The following FAM162A variants were observed in gnomAD, a reference collection of about 807,000 sequenced individuals.
The protein encoded by FAM162A is family with sequence similarity 162 member A, also known as protein FAM162A.
A neutral mutation model predicts 21.8 loss-of-function variants in FAM162A; 23 were observed. The ratio of observed to expected loss-of-function variants is 1.05; its 90% confidence interval spans 0.76 to 1.49. The LOEUF (loss-of-function observed/expected upper bound fraction) is 1.49. Ranked by LOEUF, FAM162A falls within the 40% of genes most tolerant of loss-of-function variation. The probability of loss-of-function intolerance (pLI) is 0.00; values close to 1 mark genes in which losing one functional copy is unlikely to be tolerated. For missense variants in FAM162A, 165 were observed against 186.4 expected (o/e 0.89, Z 0.67); for synonymous variants, 53 against 61.3 (o/e 0.86, Z 0.64).
chr3:122,392,908 AAAAT>A (rs1228548578), intron 1 of FAM162A, among the ~76,000 whole-genome samples: 1 of 152,242 alleles, frequency 6.6e-6, no homozygotes, highest in Non-Finnish European at 1.5e-5. Flanking sequence ...TTTCAAAAAA[AAAAT>A]AAACTTAACA....
At chr3:122,390,618 T>G (rs1321971358) in intron 1 of FAM162A, among the ~76,000 whole-genome samples, 1 of 152,208 alleles carries the variant, frequency 6.6e-6, no homozygotes, top group Non-Finnish European at 1.5e-5. Context: ...CTGACCACTA[T>G]AGCCTCCAGC....
chr3:122,390,530 A>G (rs1012431178), intron 1 of FAM162A, among the ~76,000 whole-genome samples: 2 of 152,164 alleles, frequency 1.3e-5, no homozygotes, highest in Non-Finnish European at 2.9e-5. Context: ...ACTGTCTATC[A>G]TGGGGTTGGA....
chr3:122,398,845 T>A (rs2075640791), intron 1 of FAM162A, among the ~76,000 whole-genome samples: 1 of 152,222 alleles, frequency 6.6e-6, no homozygotes, highest in Non-Finnish European at 1.5e-5. Context: ...ACTGAAGTAT[T>A]TGTGGATGAA....
chr3:122,389,722 GTA>G (rs1042742019), intron 1 of FAM162A, among the ~76,000 whole-genome samples: 6 of 152,134 alleles, frequency 3.9e-5, no homozygotes, highest in Non-Finnish European at 7.4e-5. Context: ...TATGAAAAAT[GTA>G]TATGTTTTAT....
At position 122,410,468 on chromosome 3, in the gene FAM162A, C is replaced by G. The variant is rs1409129747; in HGVS notation, c.*637C>G. 6.6e-6 allele frequency: 1 copy of G among 152,526 alleles called. No individual in the cohort carries two copies. The highest frequency in any genetic ancestry group is 2.4e-5 in the African/African-American group (1 of 41,430). 9.4% of individuals were successfully genotyped at this position (152,526 alleles called of 1,614,324 possible). Reference sequence around the variant, plus strand: ...TCTTAGCTTCATGCCTTAGAATTCTCAACTGGCTGTTTTCTTACCACCTGA... The same window carrying G: ...TCTTAGCTTCATGCCTTAGAATTCTGAACTGGCTGTTTTCTTACCACCTGA... On this transcript the variant is annotated 3_prime_UTR_variant, in exon 5 of 5. Transcript: ENST00000477892.
At chr3:122,408,452 C>G (rs1359363975) in intron 4 of FAM162A, among the ~76,000 whole-genome samples, 1 of 152,232 alleles carries the variant, frequency 6.6e-6, no homozygotes, top group Non-Finnish European at 1.5e-5. Flanking sequence ...GCACTCTTAA[C>G]TGACTTTCTT....
chr3:122,406,350 A>C (rs556754171), intron 3 of FAM162A, among the ~76,000 whole-genome samples: 1 of 152,220 alleles, frequency 6.6e-6, no homozygotes, highest in Non-Finnish European at 1.5e-5. Context: ...GGATCGCTTC[A>C]GTCTAAGATT....
intron 1 of FAM162A, among the ~76,000 whole-genome samples, chr3:122,400,885 G>C (rs1365033889): frequency 6.6e-6 from 1 of 152,074 alleles, no homozygotes; most frequent in African/African-American, 2.4e-5. Context: ...TCATTGGGGA[G>C]AAAGTCAATA....
chr3:122,400,700 G>A (rs1056506768), intron 1 of FAM162A, among the ~76,000 whole-genome samples: 2 of 151,928 alleles, frequency 1.3e-5, no homozygotes, highest in South Asian at 2.1e-4. Context: ...GGTGGCAGGC[G>A]CCTGTATTCC....
intron 4 of FAM162A, chr3:122,407,625 G>C: frequency 2.0e-6 from 1 of 497,650 alleles, no homozygotes; most frequent in East Asian, 2.9e-5. Context: ...TTCATTTTGT[G>C]TAATGTAAAT....
At chr3:122,398,190 A>G (rs571434512) in intron 1 of FAM162A, among the ~76,000 whole-genome samples, 2 of 152,336 alleles carry the variant, frequency 1.3e-5, no homozygotes, top group Non-Finnish European at 2.9e-5. Context: ...CATTTTCTGC[A>G]CGGTTTATGC....
chr3:122,410,050 T>C lies in FAM162A; in HGVS notation c.*219T>C, dbSNP rs371799955. ...AAGTCAAGTGTAGCCTCTCAGCCTTTTGGAGAAAAATGAAACAATTTATTT... is the reference window on the plus strand; with the variant it reads ...AAGTCAAGTGTAGCCTCTCAGCCTTCTGGAGAAAAATGAAACAATTTATTT... On this transcript the variant is annotated 3_prime_UTR_variant, in exon 5 of 5. Transcript: ENST00000477892. 2.5e-4 allele frequency: 138 copies of C among 546,552 alleles called. No homozygotes were observed. Among genetic ancestry groups the C allele is most frequent in the African/African-American group, 2.3e-3 (122 of 52,570 alleles). The allele number at this position is 546,552 out of a possible 1,614,324, so 33.9% of individuals were successfully genotyped here.
intron 1 of FAM162A, among the ~76,000 whole-genome samples, chr3:122,387,252 G>C (rs1193179286): frequency 6.6e-6 from 1 of 152,180 alleles, no homozygotes; most frequent in African/African-American, 2.4e-5. Flanking sequence ...CAAAGGAATG[G>C]AATGACCTTA....
chr3:122,409,714 C>A (rs1251981898), intron 4 of FAM162A, 25 bp from the exon 5 acceptor site: 1 of 1,606,142 alleles, frequency 6.2e-7, no homozygotes, highest in East Asian at 2.2e-5. Flanking sequence ...ATACAAATCA[C>A]CTGTTCAAAT....
intron 1 of FAM162A, among the ~76,000 whole-genome samples, chr3:122,396,100 A>G (rs2075626018): frequency 1.3e-5 from 2 of 152,198 alleles, no homozygotes; most frequent in South Asian, 4.1e-4. Flanking sequence ...CTTAGAATAT[A>G]GGAGTAAATC....
At chr3:122,404,444 G>A (rs1483491064) in intron 3 of FAM162A, 81 bp downstream of exon 3, 4 of 665,642 alleles carry the variant, frequency 6.0e-6, no homozygotes, top group African/African-American at 5.6e-5. Context: ...AGTTCCAACT[G>A]TTTAAAACTT....
chr3:122,409,946 C>G lies in FAM162A; in HGVS notation c.*115C>G. The G allele has an allele frequency of 1.1e-6, 1 of 870,930 alleles. No homozygotes were observed. The highest frequency in any genetic ancestry group is 2.6e-5 in the East Asian group (1 of 38,730). 54.0% of individuals were successfully genotyped at this position (870,930 alleles called of 1,614,324 possible). On this transcript the variant is annotated 3_prime_UTR_variant, in exon 5 of 5. Coordinates refer to ENST00000477892, the MANE Select transcript of FAM162A (RefSeq NM_014367.4). ...TTCATAAAGTATGATTTGCCCAAAC[C>G]TGTACCATTTCCGTATTTCTGCTGT...
At chr3:122,393,174 G>C (rs776618148) in intron 1 of FAM162A, among the ~76,000 whole-genome samples, 2 of 152,126 alleles carry the variant, frequency 1.3e-5, no homozygotes, top group African/African-American at 2.4e-5. Flanking sequence ...TTATGAAAAA[G>C]ACTGTGTGCC....
chr3:122,400,047 T>G (rs1286749376), intron 1 of FAM162A, among the ~76,000 whole-genome samples: 1 of 152,092 alleles, frequency 6.6e-6, no homozygotes, highest in African/African-American at 2.4e-5. Flanking sequence ...GAGGTTGCAG[T>G]GAGCTGAGAC....
Sources: allele counts gnomAD v4.1 joint callset (sites outside exome capture counted in the v4.1 genomes callset), GRCh38; gene constraint gnomAD v4.1.1; transcripts MANE v1.5; gene names NCBI Gene and HGNC (gene_info 2026-07-23, HGNC 2026-07-21).